CUBN: variants seen among roughly 807,000 people sequenced by gnomAD.
CUBN encodes cubilin, also known as 460 kDa receptor.
A neutral mutation model predicts 405.3 loss-of-function variants in CUBN; 282 were observed. The observed-to-expected ratio is 0.70, with a 90% CI of 0.63 to 0.77. The LOEUF (loss-of-function observed/expected upper bound fraction) is 0.77. Among genes scored for constraint, CUBN ranks in the 30% least tolerant of loss-of-function variants. The pLI, the probability that CUBN is intolerant of heterozygous loss-of-function variation, is 0.00. For synonymous variants in CUBN, 1,684 were observed against 1,617.0 expected (o/e 1.04, Z -0.99); for missense variants, 4,514 against 4,475.2 (o/e 1.01, Z -0.25).
At chr10:16,960,108 G>A (rs185088029) in intron 31 of CUBN, among the ~76,000 whole-genome samples, 55 of 152,204 alleles carry the variant, frequency 3.6e-4, no homozygotes, top group African/African-American at 1.3e-3. Context: ...CTAATGGAGT[G>A]GTCATTTAAT....
At chr10:16,888,876 A>C (rs1840906165) in intron 55 of CUBN, among the ~76,000 whole-genome samples, 1 of 152,228 alleles carries the variant, frequency 6.6e-6, no homozygotes, top group African/African-American at 2.4e-5. Flanking sequence ...CAATGATAGA[A>C]TATGGTTCAT....
At chr10:17,102,995 T>C (rs1836532761) in intron 13 of CUBN, 130 bp downstream of exon 13, 1 of 700,156 alleles carries the variant, frequency 1.4e-6, no homozygotes, top group African/African-American at 1.8e-5. Flanking sequence ...TGGCACTCCG[T>C]ACTTAGTAAG....
intron 56 of CUBN, among the ~76,000 whole-genome samples, chr10:16,883,174 G>C (rs1220902909): frequency 1.3e-5 from 2 of 152,180 alleles, no homozygotes; most frequent in East Asian, 3.8e-4. Flanking sequence ...CCTATCATCT[G>C]TCTTGTTAAC....
chr10:16,943,161 G>A (rs897732015), intron 36 of CUBN, among the ~76,000 whole-genome samples: 5 of 152,126 alleles, frequency 3.3e-5, no homozygotes, highest in African/African-American at 4.8e-5. Flanking sequence ...TGAAGTAACT[G>A]GTCAGCTCTG....
chr10:16,859,485 T>A (rs1469763538), intron 59 of CUBN, among the ~76,000 whole-genome samples: 2 of 152,126 alleles, frequency 1.3e-5, no homozygotes, highest in African/African-American at 4.8e-5. Context: ...TACAATGAGA[T>A]GACCAGGGGA....
chr10:17,025,858 G>A (rs1403234356), intron 27 of CUBN, among the ~76,000 whole-genome samples: 1 of 152,136 alleles, frequency 6.6e-6, no homozygotes. Context: ...CATCCTGTGT[G>A]GGGTGGAGAT....
chr10:16,901,899 A>ATATATATATACACACCATATATAG (rs1554790378), intron 51 of CUBN, among the ~76,000 whole-genome samples: 13 of 40,218 alleles, frequency 3.2e-4, no homozygotes, highest in Non-Finnish European at 6.7e-4. Flanking sequence ...GTATATATAT[A>ATATATATATACACACCATATATAG]TATATATATA....
At chr10:16,926,516 G>C (rs914592790) in intron 41 of CUBN, among the ~76,000 whole-genome samples, 2 of 152,040 alleles carry the variant, frequency 1.3e-5, no homozygotes, top group Non-Finnish European at 2.9e-5. Context: ...AATAAGGAGG[G>C]GACCGCCTGA....
At chr10:17,014,834 A>G (rs534686093) in intron 28 of CUBN, among the ~76,000 whole-genome samples, 2 of 152,308 alleles carry the variant, frequency 1.3e-5, no homozygotes, top group East Asian at 1.9e-4. Flanking sequence ...GGGCACAACT[A>G]TCCATGTAAG....
At chr10:17,103,650 A>G (rs1836551393) in intron 12 of CUBN, among the ~76,000 whole-genome samples, 1 of 152,194 alleles carries the variant, frequency 6.6e-6, no homozygotes, top group Non-Finnish European at 1.5e-5. Flanking sequence ...ATATTTTTCC[A>G]TAGGGTCTAC....
At chr10:16,978,413 G>A (rs957374332) in intron 31 of CUBN, among the ~76,000 whole-genome samples, 1 of 152,216 alleles carries the variant, frequency 6.6e-6, no homozygotes, top group African/African-American at 2.4e-5. Context: ...TCTTTGTCAG[G>A]AGAGTAGCTG....
rs1196694238 is a variant in CUBN, at chr10:16,829,023, A to G, written c.10546T>C (p.Tyr3516His). Reference sequence around the variant, plus strand: ...CTGGTGAATGAGCCTCTGTCTCCATAAAGAGTTCCACCACATCCTGCAAGG... The same window carrying G: ...CTGGTGAATGAGCCTCTGTCTCCATGAAGAGTTCCACCACATCCTGCAAGG... ...SSPSGCGGTLYGDRGSFTSPG... is the reference protein window; with the variant it reads ...SSPSGCGGTLHGDRGSFTSPG... Residue 3516 changes from tyrosine (Y) to histidine (H), a missense_variant, in exon 66 of 67, where the codon TAT becomes CAT. Transcript: ENST00000377833. The G allele has an allele frequency of 1.2e-6, 2 of 1,613,998 alleles. No individual in the cohort carries two copies. Among genetic ancestry groups the G allele is most frequent in the South Asian group, 1.1e-5 (1 of 91,052 alleles).
chr10:16,977,770 G>A (rs1833142715), intron 31 of CUBN, among the ~76,000 whole-genome samples: 1 of 152,148 alleles, frequency 6.6e-6, no homozygotes, highest in African/African-American at 2.4e-5. Flanking sequence ...CTACCATGGG[G>A]CCCGGAGTCC....
chr10:16,899,330 A>G, intron 53 of CUBN, 147 bp from the exon 54 acceptor site: 2 of 706,870 alleles, frequency 2.8e-6, no homozygotes, highest in South Asian at 1.6e-5. Flanking sequence ...GTGCACAGCA[A>G]GCTCTCTCCA....
chr10:16,877,094 C>T lies in CUBN; in HGVS notation c.8909G>A (p.Arg2970His), dbSNP rs540096595. The T allele has an allele frequency of 1.2e-5, 19 of 1,612,886 alleles. No homozygotes were observed. The Admixed American group carries it at 1.7e-4, about 14-fold the overall frequency. Residue 2970 changes from arginine (R) to histidine (H), a missense_variant, in exon 57 of 67, where the codon CGT becomes CAT. By Grantham distance (29) the Arg-to-His change is conservative (BLOSUM62 0). Around this residue, in one of 5 missense-constraint regions of CUBN, gnomAD observed 1,186 missense variants for 1,186.9 expected, o/e 1.00. Transcript: ENST00000377833. Reference protein sequence around the residue: ...LTFVSFHLEARSAVTGSCVND... With the variant: ...LTFVSFHLEAHSAVTGSCVND... The stretch of plus-strand genomic sequence containing the variant: ...GACACAGCTTCCCGTCACAGCGGAA[C>T]GAGCTGGAAAAGGCATGGAACAACC...
chr10:16,864,662 T>C (rs1480602968), intron 59 of CUBN, among the ~76,000 whole-genome samples: 2 of 141,396 alleles, frequency 1.4e-5, no homozygotes. Context: ...TCTTTCTTTT[T>C]TTTTTTTTTT....
At chr10:17,093,049 T>C (rs781151445) in intron 14 of CUBN, among the ~76,000 whole-genome samples, 1 of 152,172 alleles carries the variant, frequency 6.6e-6, no homozygotes, top group Non-Finnish European at 1.5e-5. Context: ...GTATGTCCCA[T>C]ACACACTCAA....
At chr10:17,029,153 T>C (rs1209294453) in intron 27 of CUBN, among the ~76,000 whole-genome samples, 1 of 152,226 alleles carries the variant, frequency 6.6e-6, no homozygotes, top group East Asian at 1.9e-4. Flanking sequence ...TCCTTCATGT[T>C]TGAAGAGAGG....
At chr10:16,873,690 C>T (rs1840421919) in intron 58 of CUBN, among the ~76,000 whole-genome samples, 1 of 149,338 alleles carries the variant, frequency 6.7e-6, no homozygotes, top group South Asian at 2.1e-4. Flanking sequence ...CCACTACACT[C>T]CAGCCTGGGT....
Sources: gnomAD v4.1 joint callset for allele counts (sites outside exome capture counted in the v4.1 genomes callset) on GRCh38, gnomAD v4.1.1 for gene constraint, gnomAD v4.1.1 regional missense constraint, MANE v1.5 for transcripts, NCBI Gene and HGNC (gene_info 2026-07-23, HGNC 2026-07-21) for gene names.